KCNMA1: variants seen among roughly 807,000 people sequenced by gnomAD.
The protein encoded by KCNMA1 is potassium calcium-activated channel subfamily M alpha 1.
Under a neutral mutation model 140.0 loss-of-function variants are expected in KCNMA1, and 29 were observed. That is an observed-to-expected ratio of 0.21 (90% confidence interval 0.15 to 0.28). The LOEUF is 0.28. Ranked by LOEUF, KCNMA1 falls within the 10% of genes least tolerant of loss-of-function variation. KCNMA1 has a pLI of 1.00. For missense variants in KCNMA1, 880 were observed against 1,602.2 expected, an observed-to-expected ratio of 0.55 and a Z score of 7.70; for synonymous variants, 612 against 611.9, an observed-to-expected ratio of 1.00 and a Z score of 0.00.
chr10:76,946,065 T>G (rs952409372), intron 22 of KCNMA1, among the ~76,000 whole-genome samples: 5 of 151,880 alleles, frequency 3.3e-5, no homozygotes, highest in Admixed American at 6.5e-5. Flanking sequence ...TTTTTTAACA[T>G]AAAAAATAAC....
chr10:77,413,219 C>T (rs1227749653), intron 1 of KCNMA1, among the ~76,000 whole-genome samples: 2 of 152,124 alleles, frequency 1.3e-5, no homozygotes, highest in Non-Finnish European at 2.9e-5. Flanking sequence ...TCCTGTGGCA[C>T]AGTTTGGCCT....
At chr10:77,346,240 G>A (rs1399459060) in intron 2 of KCNMA1, among the ~76,000 whole-genome samples, 3 of 152,190 alleles carry the variant, frequency 2.0e-5, no homozygotes, top group African/African-American at 7.2e-5. Flanking sequence ...AAAGCCAAGT[G>A]CTTTCATGTT....
At chr10:77,094,404 A>C (rs937339188) in intron 9 of KCNMA1, among the ~76,000 whole-genome samples, 1 of 152,268 alleles carries the variant, frequency 6.6e-6, no homozygotes, top group African/African-American at 2.4e-5. Flanking sequence ...GCAAGCAGAA[A>C]TGGACCCACA....
At chr10:77,001,663 G>T in intron 18 of KCNMA1, 83 bp from the exon 19 acceptor site, 1 of 1,149,824 alleles carries the variant, frequency 8.7e-7, no homozygotes, top group Non-Finnish European at 1.2e-6. Flanking sequence ...CTGGAAGGGA[G>T]CTGAAGGGAT....
chr10:76,990,359 G>T (rs911685683), intron 19 of KCNMA1, among the ~76,000 whole-genome samples: 2 of 152,168 alleles, frequency 1.3e-5, no homozygotes, highest in Non-Finnish European at 2.9e-5. Flanking sequence ...ACGTTTCCTA[G>T]AATTTCAGGC....
chr10:77,026,412 A>T (rs1268178598), intron 16 of KCNMA1, among the ~76,000 whole-genome samples: 1 of 152,228 alleles, frequency 6.6e-6, no homozygotes, highest in Non-Finnish European at 1.5e-5. Context: ...CATTTGCAAA[A>T]ATCCAGGATA....
intron 23 of KCNMA1, chr10:76,929,863 G>A (rs977785959): frequency 1.3e-5 from 2 of 152,148 alleles, no homozygotes; most frequent in Admixed American, 6.5e-5. Flanking sequence ...TGACAAGGAT[G>A]TCAAGAACAC....
At chr10:77,584,027 C>T (rs1015312134) in intron 1 of KCNMA1, among the ~76,000 whole-genome samples, 1 of 152,166 alleles carries the variant, frequency 6.6e-6, no homozygotes, top group African/African-American at 2.4e-5. Flanking sequence ...ATTCTGTGTC[C>T]TCTTTCATAT....
chr10:77,315,044 T>C (rs993577423), intron 2 of KCNMA1, among the ~76,000 whole-genome samples: 2 of 152,174 alleles, frequency 1.3e-5, no homozygotes, highest in Non-Finnish European at 2.9e-5. Context: ...TTTCTTATGA[T>C]GTTGGTGATG....
At chr10:77,190,898 T>G (rs1405497314) in intron 3 of KCNMA1, among the ~76,000 whole-genome samples, 1 of 152,064 alleles carries the variant, frequency 6.6e-6, no homozygotes, top group Admixed American at 6.6e-5. Context: ...TCCCTCACCC[T>G]CTCCTATTCT....
At chr10:77,572,569 C>CAT (rs56706119) in intron 1 of KCNMA1, among the ~76,000 whole-genome samples, 2,780 of 37,408 alleles carry the variant, frequency 0.074, 266 homozygotes, top group East Asian at 0.3. Flanking sequence ...AAAAAAAATC[C>CAT]ATATATATAT....
intron 1 of KCNMA1, among the ~76,000 whole-genome samples, chr10:77,548,625 T>G (rs1358127081): frequency 6.6e-6 from 1 of 152,176 alleles, no homozygotes; most frequent in Non-Finnish European, 1.5e-5. Flanking sequence ...TCTTGATAGA[T>G]CTAACAGCAC....
In KCNMA1 at chr10:77,208,882, C is replaced by T. The variant is rs79837693; in HGVS notation, c.603-23966G>A. On this transcript the variant is annotated intron_variant, in intron 3 of 27. Transcript: ENST00000286628. ...TATTATGTGTTCTTATGAAGTAATC[C>T]TCATCCTGTCAACTGCTGTAAGATC... Among the ~76,000 whole-genome samples the T allele has an allele frequency of 3.5e-3, 529 of 152,186 alleles. 12 individuals carry two copies. Among genetic ancestry groups the T allele is most frequent in the Admixed American group, 0.019 (288 of 15,278 alleles).
chr10:77,351,360 T>G (rs901045991), intron 2 of KCNMA1, among the ~76,000 whole-genome samples: 10 of 152,222 alleles, frequency 6.6e-5, no homozygotes, highest in African/African-American at 2.4e-4. Context: ...CCAGAATTTC[T>G]GATTTGTGGA....
chr10:77,500,885 C>T (rs1032740809), intron 1 of KCNMA1, among the ~76,000 whole-genome samples: 3 of 152,284 alleles, frequency 2.0e-5, no homozygotes, highest in East Asian at 1.9e-4. Context: ...GAAACTGAGA[C>T]GGGATGATGA....
At chr10:77,241,953 T>A (rs947423929) in intron 3 of KCNMA1, among the ~76,000 whole-genome samples, 1 of 152,214 alleles carries the variant, frequency 6.6e-6, no homozygotes, top group Non-Finnish European at 1.5e-5. Context: ...CTAGAGTCCA[T>A]GGAAATCACA....
At chr10:76,889,317 T>G in intron 27 of KCNMA1, 134 bp downstream of exon 27, 1 of 694,042 alleles carries the variant, frequency 1.4e-6, no homozygotes. Context: ...AACTCAGTGT[T>G]GGATTTAATA....
chr10:77,469,132 G>C (rs151278951), intron 1 of KCNMA1, among the ~76,000 whole-genome samples: 4 of 152,160 alleles, frequency 2.6e-5, no homozygotes, highest in African/African-American at 9.6e-5. Context: ...ACTGTTGTAG[G>C]ACCCGCCTGC....
chr10:76,954,292 CAT>C (rs1491575815), intron 20 of KCNMA1, among the ~76,000 whole-genome samples: 4 of 147,390 alleles, frequency 2.7e-5, no homozygotes, highest in Non-Finnish European at 4.6e-5. Context: ...CACACACACA[CAT>C]ACACACACAC....
Sources: gnomAD v4.1 joint callset for allele counts (sites outside exome capture counted in the v4.1 genomes callset) on GRCh38, gnomAD v4.1.1 for gene constraint, MANE v1.5 for transcripts, NCBI Gene and HGNC (gene_info 2026-07-23, HGNC 2026-07-21) for gene names.